Variants in NLGN4X observed in about 807,000 individuals in gnomAD.
NLGN4X encodes neuroligin-4, X-linked.
NLGN4X carries 3 observed loss-of-function variants against 40.3 expected under a neutral mutation model. The ratio of observed to expected loss-of-function variants is 0.07; its 90% CI spans 0.03 to 0.19. NLGN4X has a LOEUF of 0.19. Ranked by LOEUF, NLGN4X falls within the 10% of genes least tolerant of loss-of-function variation. NLGN4X has a pLI of 1.00. For missense variants in NLGN4X, 382 were observed against 708.3 expected (o/e 0.54, Z 5.23); for synonymous variants, 270 against 306.8 (o/e 0.88, Z 1.25).
At chrX:6,048,443 C>G (rs971778097) in intron 2 of NLGN4X, among the ~76,000 whole-genome samples, 16 of 111,446 alleles carry the variant, frequency 1.4e-4, no homozygotes, top group African/African-American at 5.2e-4. Flanking sequence ...TGATTCAAGA[C>G]TGAAGAATCA....
chrX:6,129,043 T>C (rs771730565), intron 2 of NLGN4X, among the ~76,000 whole-genome samples: 2 of 111,487 alleles, frequency 1.8e-5, no homozygotes, highest in Non-Finnish European at 3.8e-5. Context: ...CTGTGCTGCA[T>C]GAGTGGGCAT....
intron 3 of NLGN4X, among the ~76,000 whole-genome samples, chrX:5,953,624 G>C (rs1423809377): frequency 9.0e-6 from 1 of 111,568 alleles, no homozygotes; most frequent in Non-Finnish European, 1.9e-5. Context: ...TAAAATTAAA[G>C]TGAAAGACAT....
intron 2 of NLGN4X, among the ~76,000 whole-genome samples, chrX:6,108,159 AC>A (rs1372288182): frequency 3.6e-5 from 4 of 111,883 alleles, no homozygotes; most frequent in African/African-American, 1.3e-4. Context: ...CTTACTGCCA[AC>A]AAAATAAAGA....
chrX:6,102,012 G>C (rs1242368559), intron 2 of NLGN4X, among the ~76,000 whole-genome samples: 1 of 110,342 alleles, frequency 9.1e-6, no homozygotes, highest in Non-Finnish European at 1.9e-5. Context: ...GGATTTCACT[G>C]TGTTAGCCAG....
At chrX:6,000,605 C>T (rs763926795) in intron 3 of NLGN4X, among the ~76,000 whole-genome samples, 2 of 111,496 alleles carry the variant, frequency 1.8e-5, no homozygotes, top group African/African-American at 3.3e-5. Flanking sequence ...AGGCAAAATG[C>T]CTCCAGTCTC....
chrX:5,929,558 G>A (rs1298511696), intron 3 of NLGN4X, among the ~76,000 whole-genome samples: 2 of 111,802 alleles, frequency 1.8e-5, no homozygotes, highest in Admixed American at 9.4e-5. Context: ...TGTAGTGTGT[G>A]TATATATATG....
intron 3 of NLGN4X, among the ~76,000 whole-genome samples, chrX:5,998,571 TG>T (rs1446991402): frequency 1.8e-5 from 2 of 112,165 alleles, no homozygotes; most frequent in African/African-American, 3.2e-5. Flanking sequence ...AATGATTTTG[TG>T]TCATGTTAAA....
chrX:5,931,547 C>T (rs1454309110), intron 3 of NLGN4X, among the ~76,000 whole-genome samples: 1 of 111,964 alleles, frequency 8.9e-6, no homozygotes, highest in Non-Finnish European at 1.9e-5. Flanking sequence ...CCTCTTCAGT[C>T]CAAAGTCCAG....
chrX:6,151,497 T>G lies in NLGN4X; in HGVS notation c.-31A>C. On this transcript the variant is annotated 5_prime_UTR_variant, in exon 2 of 6. Transcript: ENST00000381095. Reference sequence around the variant, plus strand: ...AAATCTGCATCCACATCCACAGCTGTCCCAGTGATGTGGCTCCAAGGAGAC... The same window carrying G: ...AAATCTGCATCCACATCCACAGCTGGCCCAGTGATGTGGCTCCAAGGAGAC... The G allele has an allele frequency of 2.4e-5, 27 of 1,123,604 alleles. No individual in the cohort carries two copies. The highest frequency in any genetic ancestry group is 3.2e-5 in the Non-Finnish European group (26 of 816,159). 92.6% of individuals were successfully genotyped at this position (1,123,604 alleles called of 1,213,427 possible). A position where few individuals can be genotyped will look rare whatever the true frequency, so the allele number is the denominator to read the frequency against.
intron 1 of NLGN4X, among the ~76,000 whole-genome samples, chrX:6,211,528 G>C (rs180762016): frequency 4.6e-4 from 52 of 111,863 alleles, no homozygotes; most frequent in African/African-American, 1.7e-3. Flanking sequence ...GGTATAGATA[G>C]AGATATATAT....
chrX:6,061,725 G>A (rs1214215907), intron 2 of NLGN4X: 1 of 111,963 alleles, frequency 8.9e-6, no homozygotes, highest in Non-Finnish European at 1.9e-5. Flanking sequence ...CATCTGTAGT[G>A]GAAACCATAG....
intron 3 of NLGN4X, among the ~76,000 whole-genome samples, chrX:6,025,156 G>A (rs1029454877): frequency 6.3e-5 from 7 of 111,499 alleles, no homozygotes; most frequent in Admixed American, 9.6e-5. Flanking sequence ...GACACTTCAT[G>A]TAGATATAAA....
rs367870512 is a variant in NLGN4X at position 5,903,352 on chromosome X, A to G, written c.1326T>C (p.Ala442=). The G allele has an allele frequency of 8.8e-5, 107 of 1,209,459 alleles. No individual in the cohort carries two copies. Among genetic ancestry groups the G allele is most frequent in the Non-Finnish European group, 1.1e-4 (95 of 894,982 alleles). ...NPETRRKTLV[A]LFTDHQWVAP... is the part of the protein sequence containing the mutation. ...CCACCCACTGGTGGTCAGTAAAGAGAGCCACCAGGGTTTTCCGCCGCGTCT... is the reference window on the plus strand; with the variant it reads ...CCACCCACTGGTGGTCAGTAAAGAGGGCCACCAGGGTTTTCCGCCGCGTCT... The change falls in exon 5 of 6, where the codon GCT becomes GCC. Residue 442 remains alanine (A), a synonymous_variant. Transcript: ENST00000381095.
intron 2 of NLGN4X, among the ~76,000 whole-genome samples, chrX:6,109,295 T>C (rs991280329): frequency 2.7e-5 from 3 of 111,257 alleles, no homozygotes; most frequent in Non-Finnish European, 5.7e-5. Flanking sequence ...AAATCTCTAA[T>C]ACCCTATGTA....
At chrX:6,012,788 GA>G (rs2036288327) in intron 3 of NLGN4X, among the ~76,000 whole-genome samples, 1 of 111,220 alleles carries the variant, frequency 9.0e-6, no homozygotes, top group African/African-American at 3.3e-5. Flanking sequence ...CACCAGAGCT[GA>G]AAAGGCAAGG....
intron 2 of NLGN4X, among the ~76,000 whole-genome samples, chrX:6,080,473 T>C (rs188560223): frequency 8.9e-6 from 1 of 112,116 alleles, no homozygotes; most frequent in Non-Finnish European, 1.9e-5. Flanking sequence ...TGGGAGTCCA[T>C]GACTGTCAGT....
intron 1 of NLGN4X, among the ~76,000 whole-genome samples, chrX:6,159,678 C>T (rs1415040137): frequency 9.0e-6 from 1 of 111,665 alleles, no homozygotes; most frequent in Non-Finnish European, 1.9e-5. Context: ...TAGCCAAGTG[C>T]CCTCGCCATC....
At chrX:6,188,124 C>G (rs1317461533) in intron 1 of NLGN4X, among the ~76,000 whole-genome samples, 2 of 112,068 alleles carry the variant, frequency 1.8e-5, no homozygotes, top group African/African-American at 3.2e-5. Context: ...GCACCCGTCC[C>G]TGGTGTTTCC....
At position 5,948,266 on chromosome X, in the gene NLGN4X, T is replaced by C. The variant is rs190190880; in HGVS notation, c.626-39027A>G. ...ACAATAGAAAAGTCATGGGATACAA[T>C]AGAAAATAAAATGGTGTTCACAATT... is the stretch of plus-strand genomic sequence containing the variant. On this transcript the variant is annotated intron_variant, in intron 3 of 5. Transcript: ENST00000381095. Among the ~76,000 whole-genome samples the C allele has an allele frequency of 1.5e-3, 172 of 112,052 alleles. 1 individual carries two copies. Among genetic ancestry groups the C allele is most frequent in the Non-Finnish European group, 2.7e-3 (146 of 53,159 alleles).
Sources: gnomAD v4.1 joint callset for allele counts (sites outside exome capture counted in the v4.1 genomes callset) on GRCh38, gnomAD v4.1.1 for gene constraint, MANE v1.5 for transcripts, NCBI Gene and HGNC (gene_info 2026-07-23, HGNC 2026-07-21) for gene names.